Variants in TENT4B observed in about 807,000 individuals in gnomAD.
TENT4B encodes PAP associated domain containing 5.
TENT4B carries 10 observed loss-of-function variants against 75.0 expected under a neutral mutation model. The observed-to-expected ratio is 0.13, with a 90% confidence interval of 0.08 to 0.23. The LOEUF (loss-of-function observed/expected upper bound fraction) is 0.23, where lower values mean the gene tolerates loss of function less well. Among genes scored for constraint, TENT4B ranks in the 10% least tolerant of loss-of-function variants. TENT4B has a pLI of 1.00. For missense variants in TENT4B, 579 were observed against 893.8 expected (o/e 0.65, Z 4.49); for synonymous variants, 350 against 357.7 (o/e 0.98, Z 0.24).
chr16:50,162,061 T>C (rs1033220366), intron 1 of TENT4B, among the ~76,000 whole-genome samples: 2 of 152,208 alleles, frequency 1.3e-5, no homozygotes, highest in Non-Finnish European at 2.9e-5. Flanking sequence ...ATACAGAATG[T>C]AACTTTGGCT....
chr16:50,233,694 A>T lies in TENT4B; in HGVS notation c.*4366A>T, dbSNP rs1027948168. 4.6e-5 allele frequency: 40 copies of T among 868,182 alleles called. No homozygotes were observed. The highest frequency in any genetic ancestry group is 1.4e-4 in the African/African-American group (5 of 35,976). The allele number at this position is 868,182 out of a possible 1,614,324, so 53.8% of individuals were successfully genotyped here. On this transcript the variant is annotated 3_prime_UTR_variant, in exon 12 of 12. Transcript: ENST00000561678. ...GTCTCTCAGGTTTTTGGTTTTTTTA[A>T]AAAAAATGTGTTTGGCCTTTACATT...
intron 3 of TENT4B, among the ~76,000 whole-genome samples, chr16:50,215,555 C>T (rs1189557498): frequency 6.6e-6 from 1 of 152,192 alleles, no homozygotes; most frequent in Non-Finnish European, 1.5e-5. Flanking sequence ...TCAGTCCCAC[C>T]TCTGCCCCCT....
intron 1 of TENT4B, among the ~76,000 whole-genome samples, chr16:50,176,022 C>T (rs1293077832): frequency 1.3e-5 from 2 of 151,906 alleles, no homozygotes; most frequent in Non-Finnish European, 2.9e-5. Flanking sequence ...GGCTGAAATG[C>T]CCCTCCTACC....
chr16:50,208,220 A>G (rs1285701821), intron 1 of TENT4B, among the ~76,000 whole-genome samples: 1 of 152,202 alleles, frequency 6.6e-6, no homozygotes, highest in Non-Finnish European at 1.5e-5. Flanking sequence ...TCAAAATACA[A>G]TAACCTGTGG....
intron 1 of TENT4B, among the ~76,000 whole-genome samples, chr16:50,193,325 C>T (rs1457808334): frequency 2.0e-5 from 3 of 147,368 alleles, no homozygotes; most frequent in African/African-American, 7.5e-5. Context: ...AGCAGCAGTT[C>T]CTGGAGTTTT....
chr16:50,231,306 AT>A lies in TENT4B; in HGVS notation c.*1982del. 1 of 983,994 alleles carries A rather than the reference AT, an allele frequency of 1.0e-6. No individual in the cohort carries two copies. The highest frequency in any genetic ancestry group is 1.7e-5 in the African/African-American group (1 of 57,306). The allele number at this position is 983,994 out of a possible 1,614,324, so 61.0% of individuals were successfully genotyped here. A position where few individuals can be genotyped will look rare whatever the true frequency, so the allele number is the denominator to read the frequency against. ...AACATTGTGCATAATCACAGTATTT[AT>A]TTTCTAGGACAATTGTGAATGTGTA... On this transcript the variant is annotated 3_prime_UTR_variant, in exon 12 of 12. Transcript: ENST00000561678.
chr16:50,193,263 A>AGG (rs1269273022), intron 1 of TENT4B, among the ~76,000 whole-genome samples: 3 of 151,414 alleles, frequency 2.0e-5, no homozygotes, highest in African/African-American at 7.3e-5. Flanking sequence ...GTTCAGGCAA[A>AGG]GGACCAAAGG....
chr16:50,214,545 A>G (rs1052290711), intron 3 of TENT4B, among the ~76,000 whole-genome samples: 2 of 152,034 alleles, frequency 1.3e-5, no homozygotes, highest in African/African-American at 4.8e-5. Flanking sequence ...AATCCCAGCT[A>G]CTCAGGAGGC....
At chr16:50,153,144 G>A, upstream of TENT4B, 3 of 660,408 alleles carry the variant, frequency 4.5e-6, no homozygotes, top group Non-Finnish European at 6.0e-6. Context: ...CTGCTGCGCG[G>A]CGCAGCGGGG....
rs2031544492 is a variant in TENT4B, at chr16:50,216,177, A to G, written c.912A>G (p.Lys304=). The G allele has an allele frequency of 3.1e-6, 5 of 1,613,878 alleles. No homozygotes were observed. The highest frequency in any genetic ancestry group is 4.2e-6 in the Non-Finnish European group (5 of 1,179,874). The change falls in exon 4 of 12, where the codon AAA becomes AAG. Residue 304 remains lysine, a synonymous_variant. Coordinates refer to ENST00000561678, the MANE Select transcript of TENT4B (RefSeq NM_001365324.3). ...KHKVADEDSV[K]VLDKATVPII... Reference sequence around the variant, plus strand: ...AAGTCGCAGATGAGGATTCGGTGAAAGTTTTAGACAAAGCAACTGTAAGTT... The same window carrying G: ...AAGTCGCAGATGAGGATTCGGTGAAGGTTTTAGACAAAGCAACTGTAAGTT...
In TENT4B at chr16:50,153,510, G is replaced by GGCAGCAGCAGCAGCAGCA. The variant is rs1364271409; in HGVS notation, c.-104_-103insAGCAGCAGCAGCAGCAGC. 1 of 864,644 alleles carries GGCAGCAGCAGCAGCAGCA rather than the reference G, an allele frequency of 1.2e-6. No individual in the cohort carries two copies. Among genetic ancestry groups the GGCAGCAGCAGCAGCAGCA allele is most frequent in the Non-Finnish European group, 1.4e-6 (1 of 726,156 alleles). The allele number at this position is 864,644 out of a possible 1,614,324, so 53.6% of individuals were successfully genotyped here. A position where few individuals can be genotyped will look rare whatever the true frequency, so the allele number is the denominator to read the frequency against. ...CCCGAGCAGCAGCAGCAGCAGCAGC[G>GGCAGCAGCAGCAGCAGCA]GCAGCAGCGGCAGCAGCAGCAGCAG... On this transcript the variant is annotated 5_prime_UTR_variant, in exon 1 of 12. Transcript: ENST00000561678.
At chr16:50,169,389 T>G (rs1228586059) in intron 1 of TENT4B, among the ~76,000 whole-genome samples, 1 of 3,618 alleles carries the variant, frequency 2.8e-4, no homozygotes, top group Non-Finnish European at 1.2e-3. Context: ...TTTTGTGGGT[T>G]TTTTTTTTTT....
chr16:50,201,427 C>A (rs2030640704), intron 1 of TENT4B, among the ~76,000 whole-genome samples: 1 of 151,872 alleles, frequency 6.6e-6, no homozygotes, highest in African/African-American at 2.4e-5. Context: ...ATCCCAGCTA[C>A]TTAGGAGGCT....
At chr16:50,159,889 T>TTTTTG (rs1056293906) in intron 1 of TENT4B, among the ~76,000 whole-genome samples, 1 of 152,130 alleles carries the variant, frequency 6.6e-6, no homozygotes, top group Non-Finnish European at 1.5e-5. Context: ...TTCTTTGTTT[T>TTTTTG]TTTTGTTTTG....
chr16:50,203,254 G>GT (rs1056502403), intron 1 of TENT4B, among the ~76,000 whole-genome samples: 36 of 151,718 alleles, frequency 2.4e-4, no homozygotes, highest in African/African-American at 7.0e-4. Context: ...TTTCTCTCTT[G>GT]TTTTTTTTAA....
Position 50,229,264 on chromosome 16 carries a change from A to C in TENT4B, c.2078A>C (p.Gln693Pro), listed in dbSNP as rs1284397167. The change falls in exon 12 of 12, where the codon CAG becomes CCG. Residue 693 changes from glutamine to proline, a missense_variant. Physicochemically the swap from Gln to Pro is moderately conservative, Grantham distance 76. Around this residue, in one of 7 missense-constraint regions of TENT4B, gnomAD observed 164 missense variants for 226.5 expected, o/e 0.72. Coordinates refer to ENST00000561678, the MANE Select transcript of TENT4B (RefSeq NM_001365324.3). Reference protein sequence around the residue: ...NKQHQGKSNNQYYHGKKRKHK... With the variant: ...NKQHQGKSNNPYYHGKKRKHK... ...CAACATCAAGGCAAATCCAATAATCAGTATTACCATGGCAAAAAGAGGAAA... is the reference window on the plus strand; with the variant it reads ...CAACATCAAGGCAAATCCAATAATCCGTATTACCATGGCAAAAAGAGGAAA... 4.3e-6 allele frequency: 7 copies of C among 1,613,976 alleles called. No individual in the cohort carries two copies. The highest frequency in any genetic ancestry group is 5.9e-6 in the Non-Finnish European group (7 of 1,179,878).
chr16:50,194,789 C>T (rs2030106782), intron 1 of TENT4B, among the ~76,000 whole-genome samples: 1 of 146,290 alleles, frequency 6.8e-6, no homozygotes, highest in African/African-American at 2.6e-5. Context: ...CGCTCTGTCA[C>T]CCAGGCTGGA....
chr16:50,188,951 C>A (rs1273990442), intron 1 of TENT4B, among the ~76,000 whole-genome samples: 2 of 152,158 alleles, frequency 1.3e-5, no homozygotes, highest in Non-Finnish European at 2.9e-5. Flanking sequence ...CCTCCCTTTT[C>A]CCATAGTAAC....
chr16:50,227,744 C>A, intron 10 of TENT4B, 95 bp from the exon 11 acceptor site: 1 of 1,353,576 alleles, frequency 7.4e-7, no homozygotes, highest in South Asian at 1.3e-5. Context: ...TAAATTTAGT[C>A]CAGAGAGTAC....
Sources: allele counts gnomAD v4.1 joint callset (sites outside exome capture counted in the v4.1 genomes callset), GRCh38; gene constraint gnomAD v4.1.1; regional missense constraint gnomAD v4.1.1; transcripts MANE v1.5; gene names NCBI Gene and HGNC (gene_info 2026-07-23, HGNC 2026-07-21).